LINGO2: variants seen among roughly 807,000 people sequenced by gnomAD.
The protein encoded by LINGO2 is leucine rich repeat and Ig domain containing 2, also known as leucine-rich repeat and immunoglobulin-like domain-containing nogo receptor-interacting protein 2.
In LINGO2, 14 loss-of-function variants were observed where a neutral mutation model predicts 30.6. That is an observed-to-expected ratio of 0.46 (90% CI 0.30 to 0.72). LINGO2 has a LOEUF of 0.72. Among genes scored for constraint, LINGO2 ranks in the 30% least tolerant of loss-of-function variants. The pLI, the probability that LINGO2 is intolerant of heterozygous loss-of-function variation, is 0.07. For synonymous variants in LINGO2, 317 were observed against 288.5 expected (o/e 1.10, Z -1.00); for missense variants, 729 against 751.7 (o/e 0.97, Z 0.35).
At chr9:28,434,309 C>T (rs916713008) in intron 2 of LINGO2, among the ~76,000 whole-genome samples, 4 of 144,274 alleles carry the variant, frequency 2.8e-5, no homozygotes, top group African/African-American at 1.0e-4. Context: ...ATGACCTGTA[C>T]CCTAAAAATT....
intron 4 of LINGO2, among the ~76,000 whole-genome samples, chr9:28,137,710 T>A (rs1827558161): frequency 1.3e-5 from 2 of 152,144 alleles, no homozygotes; most frequent in Admixed American, 1.3e-4. Flanking sequence ...AAAGCCAGAT[T>A]TTCATAATGA....
intron 3 of LINGO2, among the ~76,000 whole-genome samples, chr9:28,328,120 A>G (rs1484478789): frequency 6.6e-6 from 1 of 152,186 alleles, no homozygotes; most frequent in Non-Finnish European, 1.5e-5. Flanking sequence ...GGAAAATCAT[A>G]TATTGTATCC....
chr9:28,831,181 T>C, the LINGO2 span, among the ~76,000 whole-genome samples: 1 of 152,216 alleles, frequency 6.6e-6, no homozygotes, highest in Admixed American at 6.5e-5. Flanking sequence ...CATAGGAATA[T>C]GTGTTTGATA....
At chr9:28,756,060 A>G in the LINGO2 span, among the ~76,000 whole-genome samples, 31 of 152,090 alleles carry the variant, frequency 2.0e-4, no homozygotes, top group African/African-American at 7.3e-4. Context: ...ACTGTAACTC[A>G]TTTGGAGATG....
chr9:28,828,036 G>A, the LINGO2 span, among the ~76,000 whole-genome samples: 1 of 151,778 alleles, frequency 6.6e-6, no homozygotes, highest in South Asian at 2.1e-4. Context: ...GCTATCTTTG[G>A]GGAAGGGGCC....
chr9:28,825,567 G>GT, the LINGO2 span, among the ~76,000 whole-genome samples: 4,574 of 45,808 alleles, frequency 0.1, 92 homozygotes, highest in Non-Finnish European at 0.24. Context: ...ATTTGTATCT[G>GT]GTTTTTTTTT....
the LINGO2 span, among the ~76,000 whole-genome samples, chr9:29,093,119 A>T: frequency 7.7e-6 from 1 of 130,360 alleles, no homozygotes; most frequent in Non-Finnish European, 1.6e-5. Context: ...ATTGATATCT[A>T]TCTTTGTTTA....
intron 1 of LINGO2, among the ~76,000 whole-genome samples, chr9:28,620,358 G>A (rs1006466036): frequency 1.3e-5 from 2 of 152,088 alleles, no homozygotes; most frequent in South Asian, 2.1e-4. Context: ...AGTTTTCCCA[G>A]CTAGCACTGT....
chr9:29,025,124 G>C, the LINGO2 span, among the ~76,000 whole-genome samples: 1 of 151,618 alleles, frequency 6.6e-6, no homozygotes, highest in Non-Finnish European at 1.5e-5. Flanking sequence ...TCAAACATCT[G>C]TGGGAACTCA....
At chr9:27,950,000 C>A in exon 6 of LINGO2, 1 of 1,614,036 alleles carries the variant, frequency 6.2e-7, no homozygotes, top group Non-Finnish European at 8.5e-7. Flanking sequence ...TCAGGTGGAA[C>A]AATCTTTTAA....
chr9:29,101,873 G>A, the LINGO2 span, among the ~76,000 whole-genome samples: 1 of 152,130 alleles, frequency 6.6e-6, no homozygotes, highest in Non-Finnish European at 1.5e-5. Context: ...AATGAATGTG[G>A]GAGTGCAGCC....
At chr9:28,441,722 G>T (rs1269430283) in intron 2 of LINGO2, among the ~76,000 whole-genome samples, 1 of 152,064 alleles carries the variant, frequency 6.6e-6, no homozygotes, top group Non-Finnish European at 1.5e-5. Flanking sequence ...TAACAAAGAA[G>T]AAAATAACAT....
chr9:28,848,403 A>G, the LINGO2 span, among the ~76,000 whole-genome samples: 13,980 of 60,926 alleles, frequency 0.23, 1,200 homozygotes, highest in Non-Finnish European at 0.32. Flanking sequence ...GTGTGTATAT[A>G]TATATATATA....
intron 4 of LINGO2, among the ~76,000 whole-genome samples, chr9:28,184,353 G>A (rs1288626075): frequency 2.0e-5 from 3 of 152,112 alleles, no homozygotes; most frequent in African/African-American, 7.2e-5. Flanking sequence ...CAGACAACAA[G>A]TGATACTATG....
chr9:28,512,745 G>T (rs957922710), intron 1 of LINGO2, among the ~76,000 whole-genome samples: 1 of 149,416 alleles, frequency 6.7e-6, no homozygotes, highest in African/African-American at 2.5e-5. Context: ...TCCCACAATA[G>T]GTTGTCTTCA....
At chr9:29,185,136 T>C in the LINGO2 span, among the ~76,000 whole-genome samples, 1 of 152,112 alleles carries the variant, frequency 6.6e-6, no homozygotes, top group Non-Finnish European at 1.5e-5. Context: ...AGTCTATGAC[T>C]AGGCTCTATT....
intron 1 of LINGO2, among the ~76,000 whole-genome samples, chr9:28,586,715 G>T (rs947536149): frequency 2.0e-5 from 3 of 151,972 alleles, no homozygotes; most frequent in Non-Finnish European, 4.4e-5. Context: ...TTCAAGGAAA[G>T]AAGTCAATTT....
the LINGO2 span, among the ~76,000 whole-genome samples, chr9:28,703,055 T>C: frequency 6.6e-6 from 1 of 151,970 alleles, no homozygotes; most frequent in South Asian, 2.1e-4. Flanking sequence ...ATGTTTTTCA[T>C]CTTTTGAAAA....
At chr9:28,812,068 G>T in the LINGO2 span, among the ~76,000 whole-genome samples, 1 of 149,262 alleles carries the variant, frequency 6.7e-6, no homozygotes, top group Admixed American at 6.6e-5. Context: ...TCATTCTTGT[G>T]GCAATTTTTT....
Sources: gnomAD v4.1 joint callset for allele counts (sites outside exome capture counted in the v4.1 genomes callset) on GRCh38, gnomAD v4.1.1 for gene constraint, MANE v1.5 for transcripts, NCBI Gene and HGNC (gene_info 2026-07-23, HGNC 2026-07-21) for gene names.